The following ASRGL1 variants were observed in gnomAD, a reference collection of about 807,000 sequenced individuals.
ASRGL1 encodes asparaginase and isoaspartyl peptidase 1, also known as isoaspartyl peptidase/L-asparaginase.
In ASRGL1, 16 loss-of-function variants were observed where a neutral mutation model predicts 22.4. The observed-to-expected ratio is 0.71, with a 90% CI of 0.48 to 1.08. The LOEUF is 1.08. Among genes scored for constraint, ASRGL1 ranks in the 50% least tolerant of loss-of-function variants. The probability of loss-of-function intolerance (pLI) is 0.00; values close to 1 mark genes in which losing one functional copy is unlikely to be tolerated. For synonymous variants in ASRGL1, 165 were observed against 159.3 expected (o/e 1.04, Z -0.27); for missense variants, 412 against 410.1 (o/e 1.00, Z -0.04).
intron 4 of ASRGL1, chr11:62,381,997 A>G (rs1947080168): frequency 6.6e-6 from 1 of 152,230 alleles, no homozygotes; most frequent in South Asian, 2.1e-4. Context: ...GACTGAGAAA[A>G]GAAATAAGAG....
intron 4 of ASRGL1, chr11:62,371,981 A>G (rs1178181511): frequency 5.2e-5 from 33 of 635,732 alleles, no homozygotes; most frequent in Middle Eastern, 8.3e-4. Flanking sequence ...AAAAGTTCCT[A>G]AACAGGAAGC....
At chr11:62,387,399 G>A (rs969235983) in intron 4 of ASRGL1, among the ~76,000 whole-genome samples, 1 of 152,122 alleles carries the variant, frequency 6.6e-6, no homozygotes. Flanking sequence ...ATGACAGCAG[G>A]CATACATTTG....
At chr11:62,398,903 T>A in the ASRGL1 span, among the ~76,000 whole-genome samples, 9 of 152,242 alleles carry the variant, frequency 5.9e-5, no homozygotes, top group Non-Finnish European at 1.3e-4. Context: ...GCGCAGTGAC[T>A]CATGCCTGTA....
intron 2 of ASRGL1, among the ~76,000 whole-genome samples, chr11:62,349,306 T>G (rs1215665149): frequency 6.6e-6 from 1 of 152,194 alleles, no homozygotes; most frequent in Admixed American, 6.5e-5. Flanking sequence ...CAGTTGCGTT[T>G]GGGGCAAGGC....
intron 4 of ASRGL1, among the ~76,000 whole-genome samples, chr11:62,375,993 T>C (rs555515721): frequency 6.6e-6 from 1 of 150,772 alleles, no homozygotes; most frequent in East Asian, 2.0e-4. Flanking sequence ...TCCCAGCTAC[T>C]CAGGAGGCTG....
intron 5 of ASRGL1, among the ~76,000 whole-genome samples, chr11:62,390,866 G>A (rs1947319654): frequency 6.6e-6 from 1 of 152,172 alleles, no homozygotes; most frequent in African/African-American, 2.4e-5. Context: ...ATCCTTCCAA[G>A]GCTAAAGGAC....
chr11:62,395,436 A>G (rs1225071299), downstream of ASRGL1, among the ~76,000 whole-genome samples: 3 of 152,160 alleles, frequency 2.0e-5, no homozygotes, highest in African/African-American at 4.8e-5. Flanking sequence ...GTCAGGACTC[A>G]GCCCCACTGC....
At chr11:62,344,236 G>C (rs1945953495) in intron 2 of ASRGL1, among the ~76,000 whole-genome samples, 1 of 152,082 alleles carries the variant, frequency 6.6e-6, no homozygotes, top group Non-Finnish European at 1.5e-5. Context: ...AAGTCTTGCT[G>C]ATTTTTTTGT....
chr11:62,367,145 T>C (rs1946630438), intron 4 of ASRGL1, among the ~76,000 whole-genome samples: 1 of 151,560 alleles, frequency 6.6e-6, no homozygotes, highest in African/African-American at 2.4e-5. Flanking sequence ...AAGACCATCC[T>C]GGCTAACACG....
downstream of ASRGL1, among the ~76,000 whole-genome samples, chr11:62,395,364 A>G (rs758883079): frequency 2.6e-5 from 4 of 152,026 alleles, no homozygotes; most frequent in East Asian, 5.8e-4. Context: ...ATGGTGGGAT[A>G]ATAAGGAGCA....
chr11:62,392,698 G>T lies in ASRGL1; in HGVS notation c.*414G>T, dbSNP rs1204920701. The T allele has an allele frequency of 4.6e-6, 1 of 219,240 alleles. No individual in the cohort carries two copies. Among genetic ancestry groups the T allele is most frequent in the South Asian group, 7.0e-5 (1 of 14,186 alleles). The allele number at this position is 219,240 out of a possible 1,614,324, so 13.6% of individuals were successfully genotyped here. ...AGGTGGGAAGGGAGGGGCCGGTGGA[G>T]GTGGAGCTGTTTGAAAGTGACACAG... is the stretch of plus-strand genomic sequence containing the variant. On this transcript the variant is annotated 3_prime_UTR_variant, in exon 7 of 7. Transcript: ENST00000415229.
chr11:62,351,519 G>A (rs930520285), intron 2 of ASRGL1, among the ~76,000 whole-genome samples: 16 of 151,990 alleles, frequency 1.1e-4, no homozygotes, highest in Admixed American at 8.5e-4. Flanking sequence ...GCGTGGTGGC[G>A]GGCGCCTGTA....
chr11:62,386,059 G>C (rs915240097), intron 4 of ASRGL1, among the ~76,000 whole-genome samples: 2 of 152,036 alleles, frequency 1.3e-5, no homozygotes, highest in African/African-American at 4.8e-5. Flanking sequence ...GTACTCGGGA[G>C]GCTTAGGCAG....
At chr11:62,353,316 C>T (rs1946208970) in intron 2 of ASRGL1, among the ~76,000 whole-genome samples, 1 of 146,070 alleles carries the variant, frequency 6.8e-6, no homozygotes, top group African/African-American at 2.5e-5. Context: ...TTAGTTATTT[C>T]AAGTTCATTG....
intron 2 of ASRGL1, among the ~76,000 whole-genome samples, chr11:62,352,291 G>A (rs922073860): frequency 6.6e-6 from 1 of 152,120 alleles, no homozygotes; most frequent in African/African-American, 2.4e-5. Flanking sequence ...CAAGCCAAGA[G>A]AGGAAGCCTC....
rs1249952395 is a variant in ASRGL1 at position 62,367,451 on chromosome 11, G to GC, written c.491+10307_491+10308insC. 7.9e-5 allele frequency among the ~76,000 whole-genome samples: 12 copies of GC among 151,098 alleles called. 1 individual carries two copies. The highest frequency in any genetic ancestry group is 2.9e-4 in the African/African-American group (12 of 41,074). ...ACTTGAGGTCAGGAGTTTGAGACCAGTTGACCAACATGGTGAAACCCTGTC... is the reference window on the plus strand; with the variant it reads ...ACTTGAGGTCAGGAGTTTGAGACCAGCTTGACCAACATGGTGAAACCCTGTC... On this transcript the variant is annotated intron_variant, in intron 4 of 6. Coordinates refer to ENST00000415229, the MANE Select transcript of ASRGL1 (RefSeq NM_001083926.2).
intron 1 of ASRGL1, 132 bp from the exon 2 acceptor site, chr11:62,337,758 C>CG (rs1945757580): frequency 6.1e-6 from 3 of 489,040 alleles, no homozygotes; most frequent in African/African-American, 6.1e-5. Context: ...AGGTCCGGGC[C>CG]GGGGGCGGAG....
At chr11:62,371,912 C>A (rs1230973296) in intron 4 of ASRGL1, 5 of 579,234 alleles carry the variant, frequency 8.6e-6, no homozygotes, top group Non-Finnish European at 1.5e-5. Flanking sequence ...CGAGATCGCG[C>A]CACTGCACTC....
intron 2 of ASRGL1, among the ~76,000 whole-genome samples, chr11:62,355,829 G>C (rs987219121): frequency 1.3e-5 from 2 of 152,042 alleles, no homozygotes; most frequent in Non-Finnish European, 2.9e-5. Flanking sequence ...GACTCTTAAC[G>C]AGCATGCTGC....
Sources: allele counts gnomAD v4.1 joint callset (sites outside exome capture counted in the v4.1 genomes callset), GRCh38; gene constraint gnomAD v4.1.1; transcripts MANE v1.5; gene names NCBI Gene and HGNC (gene_info 2026-07-23, HGNC 2026-07-21).